Variants in PECAM1 observed in about 807,000 individuals in gnomAD.
PECAM1 encodes platelet endothelial cell adhesion molecule.
A neutral mutation model predicts 13.8 loss-of-function variants in PECAM1; 8 were observed. That is an observed-to-expected ratio of 0.58 (90% CI 0.34 to 1.05). The LOEUF (loss-of-function observed/expected upper bound fraction) is 1.05. Ranked by LOEUF, PECAM1 falls within the 50% of genes least tolerant of loss-of-function variation. PECAM1 has a pLI of 0.03. For missense variants in PECAM1, 304 were observed against 141.2 expected, an observed-to-expected ratio of 2.15 and a Z score of -5.84; for synonymous variants, 136 against 52.6, an observed-to-expected ratio of 2.58 and a Z score of -6.86.
chr17:64,331,255 G>A (rs2035110301), intron 14 of PECAM1, among the ~76,000 whole-genome samples: 1 of 151,426 alleles, frequency 6.6e-6, no homozygotes, highest in South Asian at 2.1e-4. Context: ...GGAGTGCAGT[G>A]GCTCACTGCA....
Position 64,322,877 on chromosome 17 carries a change from G to A in PECAM1, c.*939C>T, listed in dbSNP as rs184657582. On this transcript the variant is annotated 3_prime_UTR_variant, in exon 16 of 16. Coordinates refer to ENST00000563924, the MANE Select transcript of PECAM1 (RefSeq NM_000442.5). ...ACTACAGGCATGCGCCACCACGCCC[G>A]GCTAATTCTTGTATTTTTAGTAGAG... 6.7e-5 allele frequency: 22 copies of A among 329,014 alleles called. No individual in the cohort carries two copies. In the South Asian group the frequency reaches 2.4e-3, roughly 36 times the overall value. The allele number at this position is 329,014 out of a possible 1,614,324, so 20.4% of individuals were successfully genotyped here. A position where few individuals can be genotyped will look rare whatever the true frequency, so the allele number is the denominator to read the frequency against.
At chr17:64,368,568 G>A (rs2143840737) in intron 5 of PECAM1, among the ~76,000 whole-genome samples, 1 of 152,172 alleles carries the variant, frequency 6.6e-6, no homozygotes, top group Non-Finnish European at 1.5e-5. Flanking sequence ...ATATAAACCT[G>A]GGCCAGCCCA....
At chr17:64,389,696 G>A (rs1349011027) in intron 2 of PECAM1, among the ~76,000 whole-genome samples, 1 of 152,074 alleles carries the variant, frequency 6.6e-6, no homozygotes, top group Non-Finnish European at 1.5e-5. Context: ...TTATGGAATT[G>A]CTCATTAAAA....
Position 64,322,399 on chromosome 17 carries a change from C to A in PECAM1, c.*1417G>T, listed in dbSNP as rs1214520522. 1.0e-5 allele frequency: 10 copies of A among 986,874 alleles called. No homozygotes were observed. The highest frequency in any genetic ancestry group is 1.2e-5 in the Non-Finnish European group (10 of 830,894). 61.1% of individuals were successfully genotyped at this position (986,874 alleles called of 1,614,324 possible). A position where few individuals can be genotyped will look rare whatever the true frequency, so the allele number is the denominator to read the frequency against. On this transcript the variant is annotated 3_prime_UTR_variant, in exon 16 of 16. Transcript: ENST00000563924. Reference sequence around the variant, plus strand: ...GAATCTCCGTCTCAAAACAACAAAACAAAAACATAGACCTGCTCGGTTCTC... The same window carrying A: ...GAATCTCCGTCTCAAAACAACAAAAAAAAAACATAGACCTGCTCGGTTCTC...
intron 14 of PECAM1, among the ~76,000 whole-genome samples, chr17:64,339,940 A>G (rs1394253149): frequency 1.3e-5 from 2 of 152,250 alleles, no homozygotes; most frequent in East Asian, 3.9e-4. Flanking sequence ...GCTTGAGCTC[A>G]GGAATTCAAG....
intron 13 of PECAM1, among the ~76,000 whole-genome samples, chr17:64,344,041 C>A (rs1265023991): frequency 6.6e-6 from 1 of 152,190 alleles, no homozygotes; most frequent in African/African-American, 2.4e-5. Flanking sequence ...ACAAACAACG[C>A]AGACACTGCA....
intron 2 of PECAM1, among the ~76,000 whole-genome samples, chr17:64,379,958 G>A (rs2036445338): frequency 2.0e-5 from 3 of 151,604 alleles, no homozygotes; most frequent in African/African-American, 7.3e-5. Flanking sequence ...CTGGGAGGTC[G>A]AGGCTGAAGT....
chr17:64,348,589 G>A (rs2035639268), intron 12 of PECAM1, among the ~76,000 whole-genome samples: 1 of 151,666 alleles, frequency 6.6e-6, no homozygotes, highest in Non-Finnish European at 1.5e-5. Flanking sequence ...TGTATTTTTA[G>A]TAGAGACGGG....
chr17:64,338,711 C>G (rs2035348086), intron 14 of PECAM1, among the ~76,000 whole-genome samples: 2 of 152,166 alleles, frequency 1.3e-5, no homozygotes, highest in South Asian at 4.2e-4. Flanking sequence ...GTACATGCCA[C>G]CATGCCTAGA....
At chr17:64,356,767 C>T (rs1195547799) in intron 7 of PECAM1, among the ~76,000 whole-genome samples, 2 of 152,176 alleles carry the variant, frequency 1.3e-5, no homozygotes, top group African/African-American at 2.4e-5. Context: ...GCTGGGATTA[C>T]AGGCATAAGC....
intron 6 of PECAM1, among the ~76,000 whole-genome samples, chr17:64,361,452 T>C (rs1483407923): frequency 6.6e-6 from 1 of 151,854 alleles, no homozygotes; most frequent in Non-Finnish European, 1.5e-5. Flanking sequence ...AGCCAATATA[T>C]ATGTTTTTAA....
chr17:64,349,879 T>A (rs2035675322), intron 12 of PECAM1, among the ~76,000 whole-genome samples: 1 of 152,070 alleles, frequency 6.6e-6, no homozygotes, highest in Non-Finnish European at 1.5e-5. Context: ...AGCGAGACTC[T>A]TGTCTCAAGA....
chr17:64,341,191 G>C (rs1386221672), intron 14 of PECAM1, among the ~76,000 whole-genome samples: 10 of 151,930 alleles, frequency 6.6e-5, no homozygotes, highest in South Asian at 2.1e-4. Flanking sequence ...TTAAATCCGG[G>C]AAGTGGAGGT....
Position 64,321,569 on chromosome 17 carries a change from G to C in PECAM1, c.*2247C>G. 7.4e-6 allele frequency: 4 copies of C among 544,118 alleles called. No individual in the cohort carries two copies. Among genetic ancestry groups the C allele is most frequent in the South Asian group, 3.9e-5 (1 of 25,392 alleles). The allele number at this position is 544,118 out of a possible 1,614,324, so 33.7% of individuals were successfully genotyped here. On this transcript the variant is annotated 3_prime_UTR_variant, in exon 16 of 16. Transcript: ENST00000563924. ...GCCCAGAAGTTCGAGACCAGCCTGG[G>C]CACCATGGTGAAACCTCATCTCTGC...
At chr17:64,331,086 G>C (rs1442396899) in intron 14 of PECAM1, among the ~76,000 whole-genome samples, 1 of 152,134 alleles carries the variant, frequency 6.6e-6, no homozygotes, top group Non-Finnish European at 1.5e-5. Flanking sequence ...CCAGGAGCAG[G>C]CTCAACAGAG....
intron 14 of PECAM1, among the ~76,000 whole-genome samples, chr17:64,340,897 C>A (rs1027905406): frequency 1.3e-5 from 2 of 152,042 alleles, no homozygotes; most frequent in Non-Finnish European, 2.9e-5. Flanking sequence ...TGGGAGTTTG[C>A]GACCAGCTTG....
intron 6 of PECAM1, among the ~76,000 whole-genome samples, chr17:64,362,826 G>A (rs2036015775): frequency 8.1e-6 from 1 of 123,382 alleles, no homozygotes; most frequent in Non-Finnish European, 1.8e-5. Flanking sequence ...TCTAGCCTGG[G>A]CGACACGTCT....
At chr17:64,336,392 C>T (rs1269617027) in intron 14 of PECAM1, among the ~76,000 whole-genome samples, 1 of 152,076 alleles carries the variant, frequency 6.6e-6, no homozygotes, top group African/African-American at 2.4e-5. Context: ...GGGTGGGTTA[C>T]TGCTGGCTGA....
At chr17:64,370,752 T>C (rs1187501449) in intron 4 of PECAM1, among the ~76,000 whole-genome samples, 3 of 152,230 alleles carry the variant, frequency 2.0e-5, no homozygotes, top group East Asian at 1.9e-4. Context: ...TTCAGGGAAG[T>C]AGGGATAGGT....
Sources: gnomAD v4.1 joint callset for allele counts (sites outside exome capture counted in the v4.1 genomes callset) on GRCh38, gnomAD v4.1.1 for gene constraint, MANE v1.5 for transcripts, NCBI Gene and HGNC (gene_info 2026-07-23, HGNC 2026-07-21) for gene names.